Variants in DIXDC1 observed in about 807,000 individuals in gnomAD.
DIXDC1 encodes the protein dixin.
In DIXDC1, 64 loss-of-function variants were observed where a neutral mutation model predicts 103.1. That is an observed-to-expected ratio of 0.62 (90% confidence interval 0.51 to 0.76). The LOEUF is 0.76. DIXDC1 is among the 30% of genes least tolerant of loss of function. The pLI, the probability that DIXDC1 is intolerant of heterozygous loss-of-function variation, is 0.00. For synonymous variants in DIXDC1, 266 were observed against 298.5 expected (o/e 0.89, Z 1.12); for missense variants, 759 against 834.2 (o/e 0.91, Z 1.11).
At chr11:111,955,047 C>T (rs1555170443) in intron 1 of DIXDC1, among the ~76,000 whole-genome samples, 1 of 151,876 alleles carries the variant, frequency 6.6e-6, no homozygotes. Flanking sequence ...AGAATATTAC[C>T]TCGGTAGCAG....
rs1472265904 is a variant in DIXDC1 at position 111,976,183 on chromosome 11, T to C, written c.656+1200T>C. On this transcript the variant is annotated intron_variant, in intron 5 of 19. Coordinates refer to ENST00000440460, the MANE Select transcript of DIXDC1 (RefSeq NM_001037954.4). This position sits in a 1 kb window ranked among gnomAD's most constrained non-coding sequence, Gnocchi z 4.3. ...TATCACCTGGAGCGGAATTACAGGA[T>C]GTTTTGTTGTATTGCTTCCTGCACT... Among the ~76,000 whole-genome samples, 1 of 152,132 alleles carries C rather than the reference T, an allele frequency of 6.6e-6. No individual in the cohort carries two copies. Among genetic ancestry groups the C allele is most frequent in the African/African-American group, 2.4e-5 (1 of 41,444 alleles).
Position 112,022,473 on chromosome 11 carries a change from G to A in DIXDC1, c.*3437G>A, listed in dbSNP as rs1861788816. On this transcript the variant is annotated 3_prime_UTR_variant, in exon 20 of 20. Coordinates refer to ENST00000440460, the MANE Select transcript of DIXDC1 (RefSeq NM_001037954.4). The surrounding 1 kb of genome is among the most constrained non-coding windows in gnomAD (Gnocchi z 4.9). ...TTTTCATGAAGACTATGTTACACCA[G>A]AGGCTTCTGATTATCAAAGTGATAA... is the stretch of plus-strand genomic sequence containing the variant. The A allele has an allele frequency of 6.6e-6, 1 of 152,608 alleles. No homozygotes were observed. Among genetic ancestry groups the A allele is most frequent in the Non-Finnish European group, 1.5e-5 (1 of 68,038 alleles). The allele number at this position is 152,608 out of a possible 1,614,324, so 9.5% of individuals were successfully genotyped here.
intron 17 of DIXDC1, among the ~76,000 whole-genome samples, chr11:112,006,739 C>T (rs1367610572): frequency 3.3e-5 from 5 of 152,180 alleles, no homozygotes; most frequent in Non-Finnish European, 7.3e-5. Flanking sequence ...GGAAAACTAA[C>T]GAACAGAAAG....
At position 111,975,634 on chromosome 11, in the gene DIXDC1, A is replaced by C. The variant is rs114106857; in HGVS notation, c.656+651A>C. 2.5e-3 allele frequency: 2,442 copies of C among 985,910 alleles called. 58 individuals carry two copies. In the African/African-American group the frequency reaches 0.04, roughly 16 times the overall value. The allele number at this position is 985,910 out of a possible 1,614,324, so 61.1% of individuals were successfully genotyped here. A position where few individuals can be genotyped will look rare whatever the true frequency, so the allele number is the denominator to read the frequency against. ...GCTCATGTAAATTGTGCTTCTATAA[A>C]CACTCCCCAGATCATGTTTTTACTA... On this transcript the variant is annotated intron_variant, in intron 5 of 19. Coordinates refer to ENST00000440460, the MANE Select transcript of DIXDC1 (RefSeq NM_001037954.4).
chr11:111,978,750 T>C (rs1483059263), intron 5 of DIXDC1, among the ~76,000 whole-genome samples: 5 of 152,236 alleles, frequency 3.3e-5, no homozygotes, highest in African/African-American at 1.2e-4. Context: ...GGATGGAACA[T>C]GTCATCCATA....
In DIXDC1 at chr11:111,958,199, G is replaced by A. The variant is rs962137488; in HGVS notation, c.61-6350G>A. Among the ~76,000 whole-genome samples the A allele has an allele frequency of 1.3e-5, 2 of 151,454 alleles. No homozygotes were observed. The highest frequency in any genetic ancestry group is 2.9e-5 in the Non-Finnish European group (2 of 67,808). The stretch of plus-strand genomic sequence containing the variant: ...AAGCAGGTAGGAGTCCCGGCCTCCC[G>A]GGCACAGCTGCAGCCACCCAAACCA... On this transcript the variant is annotated intron_variant, in intron 1 of 19. Coordinates refer to ENST00000440460, the MANE Select transcript of DIXDC1 (RefSeq NM_001037954.4). This position sits in a 1 kb window ranked among gnomAD's most constrained non-coding sequence, Gnocchi z 4.2.
chr11:111,976,044 C>T lies in DIXDC1; in HGVS notation c.656+1061C>T, dbSNP rs1478975519. 2 of 463,530 alleles carry T rather than the reference C, an allele frequency of 4.3e-6. No individual in the cohort carries two copies. The highest frequency in any genetic ancestry group is 4.2e-5 in the African/African-American group (2 of 47,118). The allele number at this position is 463,530 out of a possible 1,614,324, so 28.7% of individuals were successfully genotyped here. A position where few individuals can be genotyped will look rare whatever the true frequency, so the allele number is the denominator to read the frequency against. ...TCATAATGTGGTGCGACCATCACCT[C>T]TATCCACTCAGAAGACATCTTCATC... On this transcript the variant is annotated intron_variant, in intron 5 of 19. Transcript: ENST00000440460. The surrounding 1 kb of genome is among the most constrained non-coding windows in gnomAD (Gnocchi z 4.3).
intron 2 of DIXDC1, among the ~76,000 whole-genome samples, chr11:111,965,991 T>C (rs1252922249): frequency 3.3e-5 from 5 of 152,186 alleles, no homozygotes; most frequent in African/African-American, 1.2e-4. Flanking sequence ...AATCCAGATG[T>C]ACAAAAGGAT....
At chr11:111,943,487 CTTTTTTT>C (rs1161024928) in intron 1 of DIXDC1, among the ~76,000 whole-genome samples, 77 of 113,430 alleles carry the variant, frequency 6.8e-4, no homozygotes, top group African/African-American at 1.7e-3. Context: ...TTCTTTCTCT[CTTTTTTT>C]TTTTTTTTTT....
At chr11:111,936,695 C>A (rs1183680325), upstream of DIXDC1, among the ~76,000 whole-genome samples, 2 of 152,082 alleles carry the variant, frequency 1.3e-5, no homozygotes, top group East Asian at 3.9e-4. Context: ...TTATTTCTTT[C>A]CCTTCTGCTT....
rs1239387414 is a variant in DIXDC1 at position 111,976,379 on chromosome 11, T to C, written c.656+1396T>C. On this transcript the variant is annotated intron_variant, in intron 5 of 19. Transcript: ENST00000440460. This position sits in a 1 kb window ranked among gnomAD's most constrained non-coding sequence, Gnocchi z 4.3. The stretch of plus-strand genomic sequence containing the variant: ...ATGAGGGGCCCACCGGCTATCAGGC[T>C]GCAGTGAGCTAATGGTGACAGTTTT... Among the ~76,000 whole-genome samples the C allele has an allele frequency of 6.6e-6, 1 of 152,182 alleles. No homozygotes were observed. The highest frequency in any genetic ancestry group is 1.9e-4 in the East Asian group (1 of 5,198).
intron 1 of DIXDC1, among the ~76,000 whole-genome samples, chr11:111,959,830 A>G (rs188807299): frequency 5.9e-5 from 9 of 152,310 alleles, no homozygotes; most frequent in African/African-American, 2.2e-4. Flanking sequence ...AGTGGTTTTG[A>G]ATGACCTCTT....
chr11:111,958,416 C>T lies in DIXDC1; in HGVS notation c.61-6133C>T, dbSNP rs1339588339. Among the ~76,000 whole-genome samples, 6 of 152,206 alleles carry T rather than the reference C, an allele frequency of 3.9e-5. No individual in the cohort carries two copies. The highest frequency in any genetic ancestry group is 2.0e-4 in the Admixed American group (3 of 15,292). On this transcript the variant is annotated intron_variant, in intron 1 of 19. Transcript: ENST00000440460. The surrounding 1 kb of genome is among the most constrained non-coding windows in gnomAD (Gnocchi z 4.2). ...CTCTCCCGACTCCCTGCACCTGCTC[C>T]GATCTTGGAGCAAAGTTGAGGCCAA...
chr11:112,011,624 T>C (rs1477653923), intron 17 of DIXDC1, among the ~76,000 whole-genome samples: 3 of 152,108 alleles, frequency 2.0e-5, no homozygotes, highest in South Asian at 2.1e-4. Context: ...TATGCAGCCA[T>C]AAAAAAGGAT....
At chr11:111,990,293 G>C (rs1461751893) in intron 10 of DIXDC1, among the ~76,000 whole-genome samples, 1 of 151,374 alleles carries the variant, frequency 6.6e-6, no homozygotes, top group Non-Finnish European at 1.5e-5. Context: ...GTTTTAGCAT[G>C]TTGGCCAGGC....
intron 2 of DIXDC1, among the ~76,000 whole-genome samples, chr11:111,967,255 C>G (rs1406152731): frequency 6.6e-6 from 1 of 152,216 alleles, no homozygotes; most frequent in East Asian, 1.9e-4. Context: ...AAATTTCACA[C>G]ATCCTAATCA....
intron 17 of DIXDC1, among the ~76,000 whole-genome samples, chr11:112,010,748 T>A (rs1861389926): frequency 6.6e-6 from 1 of 152,204 alleles, no homozygotes; most frequent in Non-Finnish European, 1.5e-5. Flanking sequence ...TGGCTAGCCA[T>A]ATGTAGAAAG....
In DIXDC1 at chr11:111,977,702, G is replaced by A. The variant is rs1334284604; in HGVS notation, c.656+2719G>A. ...GGGAGACATGCCTGAATTTGGGAGC[G>A]ATGTGACTCTCAGCCTCCCACTTCA... is the stretch of plus-strand genomic sequence containing the variant. On this transcript the variant is annotated intron_variant, in intron 5 of 19. Transcript: ENST00000440460. The surrounding 1 kb of genome is among the most constrained non-coding windows in gnomAD (Gnocchi z 6.1). The A allele has an allele frequency of 1.3e-6, 2 of 1,545,438 alleles. No individual in the cohort carries two copies. Among genetic ancestry groups the A allele is most frequent in the Admixed American group, 3.9e-5 (2 of 50,740 alleles).
Position 111,958,189 on chromosome 11 carries a change from C to A in DIXDC1, c.61-6360C>A, listed in dbSNP as rs1555170738. On this transcript the variant is annotated intron_variant, in intron 1 of 19. Transcript: ENST00000440460. The surrounding 1 kb of genome is among the most constrained non-coding windows in gnomAD (Gnocchi z 4.2). Reference sequence around the variant, plus strand: ...TGTGGGCCAGAAGCAGGTAGGAGTCCCGGCCTCCCGGGCACAGCTGCAGCC... The same window carrying A: ...TGTGGGCCAGAAGCAGGTAGGAGTCACGGCCTCCCGGGCACAGCTGCAGCC... Among the ~76,000 whole-genome samples, 1 of 151,252 alleles carries A rather than the reference C, an allele frequency of 6.6e-6. No homozygotes were observed. The highest frequency in any genetic ancestry group is 2.4e-5 in the African/African-American group (1 of 41,094).
Sources: gnomAD v4.1 joint callset for allele counts (sites outside exome capture counted in the v4.1 genomes callset) on GRCh38, gnomAD v4.1.1 for gene constraint, Gnocchi (gnomAD v3.1) non-coding constraint, MANE v1.5 for transcripts, NCBI Gene and HGNC (gene_info 2026-07-23, HGNC 2026-07-21) for gene names.